The following PDZD2 variants were observed in gnomAD, a reference collection of about 807,000 sequenced individuals.
The protein encoded by PDZD2 is PDZ domain-containing protein 2.
A neutral mutation model predicts 220.7 loss-of-function variants in PDZD2; 90 were observed. That is an observed-to-expected ratio of 0.41 (90% CI 0.34 to 0.49). PDZD2 has a LOEUF of 0.49. PDZD2 is among the 20% of genes least tolerant of loss of function. The pLI is 0.28. For missense variants in PDZD2, 3,174 were observed against 3,608.5 expected (o/e 0.88, Z 3.08); for synonymous variants, 1,375 against 1,450.5 (o/e 0.95, Z 1.18).
intron 1 of PDZD2, among the ~76,000 whole-genome samples, chr5:31,645,977 A>G (rs1745121019): frequency 1.3e-5 from 2 of 151,746 alleles, no homozygotes; most frequent in African/African-American, 4.8e-5. Context: ...GCTGCCTTAC[A>G]TGGGAGGCCT....
intron 1 of PDZD2, among the ~76,000 whole-genome samples, chr5:31,767,509 TTCC>T (rs1325388304): frequency 1.3e-5 from 2 of 152,252 alleles, no homozygotes; most frequent in East Asian, 3.8e-4. Flanking sequence ...TGTATACCTG[TTCC>T]TCATTTCCAA....
chr5:31,875,845 C>T (rs1306914263), intron 2 of PDZD2, among the ~76,000 whole-genome samples: 1 of 151,650 alleles, frequency 6.6e-6, no homozygotes, highest in Non-Finnish European at 1.5e-5. Flanking sequence ...TTGTCTATTC[C>T]TGCATCAATG....
chr5:31,837,089 C>T (rs1756991547), intron 2 of PDZD2, among the ~76,000 whole-genome samples: 1 of 151,830 alleles, frequency 6.6e-6, no homozygotes, highest in African/African-American at 2.4e-5. Flanking sequence ...GTAGACTAAT[C>T]CACTTCTGGA....
intron 2 of PDZD2, among the ~76,000 whole-genome samples, chr5:31,877,343 G>C (rs1739394127): frequency 6.6e-6 from 1 of 152,064 alleles, no homozygotes; most frequent in Non-Finnish European, 1.5e-5. Flanking sequence ...AGCCTCCCAA[G>C]TAGCTGGGAC....
intron 1 of PDZD2, among the ~76,000 whole-genome samples, chr5:31,793,339 C>T (rs1023916133): frequency 5.9e-5 from 9 of 152,124 alleles, no homozygotes; most frequent in African/African-American, 2.2e-4. Flanking sequence ...TCTGTAGCTA[C>T]ATCTTTCCTC....
chr5:31,919,438 C>T (rs982266984), intron 2 of PDZD2, among the ~76,000 whole-genome samples: 1 of 151,956 alleles, frequency 6.6e-6, no homozygotes. Flanking sequence ...CCTCTGTCTC[C>T]CAGGTTCAAG....
At chr5:31,905,814 G>A (rs1742590695) in intron 2 of PDZD2, among the ~76,000 whole-genome samples, 1 of 152,052 alleles carries the variant, frequency 6.6e-6, no homozygotes, top group Admixed American at 6.6e-5. Context: ...GCTAGAAGCT[G>A]ATAACTTTTG....
intron 1 of PDZD2, among the ~76,000 whole-genome samples, chr5:31,753,527 G>C (rs889546023): frequency 1.3e-5 from 2 of 152,132 alleles, no homozygotes; most frequent in African/African-American, 4.8e-5. Flanking sequence ...TTGAATCCAG[G>C]GAGGTGGAGG....
chr5:32,001,326 C>T (rs1458913405), intron 5 of PDZD2, among the ~76,000 whole-genome samples: 1 of 152,210 alleles, frequency 6.6e-6, no homozygotes, highest in Non-Finnish European at 1.5e-5. Context: ...GGAAGAGAGG[C>T]TCAGGGGCCG....
chr5:32,075,946 C>T (rs1381917390), intron 18 of PDZD2, among the ~76,000 whole-genome samples: 1 of 152,078 alleles, frequency 6.6e-6, no homozygotes, highest in Non-Finnish European at 1.5e-5. Flanking sequence ...CAACCACTAC[C>T]TGTGTTTTAA....
chr5:31,658,702 C>T (rs1178619594), intron 1 of PDZD2, among the ~76,000 whole-genome samples: 2 of 152,008 alleles, frequency 1.3e-5, no homozygotes, highest in African/African-American at 2.4e-5. Flanking sequence ...TCACTGCAAC[C>T]TCTGCCTCCT....
chr5:32,096,458 C>T (rs1034480563), intron 21 of PDZD2, among the ~76,000 whole-genome samples: 2 of 152,158 alleles, frequency 1.3e-5, no homozygotes, highest in African/African-American at 2.4e-5. Context: ...GCTGGAATTA[C>T]AGGTGTCCGC....
chr5:31,901,975 T>C (rs1362830065), intron 2 of PDZD2, among the ~76,000 whole-genome samples: 2 of 152,262 alleles, frequency 1.3e-5, no homozygotes, highest in African/African-American at 4.8e-5. Context: ...TCCAATGTTA[T>C]CTATTCACCA....
intron 19 of PDZD2, among the ~76,000 whole-genome samples, chr5:32,079,386 G>A (rs950895934): frequency 6.6e-6 from 1 of 151,994 alleles, no homozygotes. Context: ...AGCTCTGTGG[G>A]AGTCCCGGCA....
intron 2 of PDZD2, among the ~76,000 whole-genome samples, chr5:31,952,476 G>A (rs1330586166): frequency 6.6e-6 from 1 of 152,162 alleles, no homozygotes. Context: ...CACTGGGGCT[G>A]GCTAAGTGAA....
chr5:31,899,149 T>A (rs548509206), intron 2 of PDZD2, among the ~76,000 whole-genome samples: 22 of 149,580 alleles, frequency 1.5e-4, no homozygotes, highest in African/African-American at 4.9e-4. Flanking sequence ...TGTTTTGAGA[T>A]GGAGTTTTGC....
intron 1 of PDZD2, among the ~76,000 whole-genome samples, chr5:31,689,340 T>TAC (rs1266812854): frequency 8.9e-5 from 4 of 45,006 alleles, no homozygotes; most frequent in African/African-American, 6.5e-4. Flanking sequence ...CATATACATA[T>TAC]ATATATATAT....
At position 31,799,013 on chromosome 5, in the gene PDZD2, C is replaced by T. The variant is rs1220387307; in HGVS notation, c.-236C>T. 80 of 520,826 alleles carry T rather than the reference C, an allele frequency of 1.5e-4. 1 individual carries two copies. In the Admixed American group the frequency reaches 2.5e-3, roughly 17 times the overall value. The allele number at this position is 520,826 out of a possible 1,614,324, so 32.3% of individuals were successfully genotyped here. ...GACTTGTTAGACACTTCCTTCCTTC[C>T]CTCATTGAGCACTCCAGTGCCATTG... On this transcript the variant is annotated 5_prime_UTR_variant, in exon 2 of 25. Transcript: ENST00000438447.
intron 2 of PDZD2, among the ~76,000 whole-genome samples, chr5:31,878,097 T>C (rs1362237981): frequency 6.6e-6 from 1 of 152,222 alleles, no homozygotes; most frequent in African/African-American, 2.4e-5. Context: ...GTTTGCATTT[T>C]ATTTTTTGAG....
Sources: allele counts gnomAD v4.1 joint callset (sites outside exome capture counted in the v4.1 genomes callset), GRCh38; gene constraint gnomAD v4.1.1; transcripts MANE v1.5; gene names NCBI Gene and HGNC (gene_info 2026-07-23, HGNC 2026-07-21).